Variants in PPP2R2B observed in about 807,000 individuals in gnomAD.
PPP2R2B encodes protein phosphatase 2 regulatory subunit Bbeta.
In PPP2R2B, 5 loss-of-function variants were observed where a neutral mutation model predicts 46.0. That is an observed-to-expected ratio of 0.11 (90% CI 0.06 to 0.23). The LOEUF is 0.23. PPP2R2B is among the 10% of genes least tolerant of loss of function. The probability of loss-of-function intolerance (pLI) is 1.00; values close to 1 mark genes in which losing one functional copy is unlikely to be tolerated. For synonymous variants in PPP2R2B, 215 were observed against 206.7 expected, an observed-to-expected ratio of 1.04 and a Z score of -0.34; for missense variants, 367 against 575.0, an observed-to-expected ratio of 0.64 and a Z score of 3.70.
intron 2 of PPP2R2B, among the ~76,000 whole-genome samples, chr5:146,736,181 A>T (rs1752525789): frequency 6.6e-6 from 1 of 152,176 alleles, no homozygotes; most frequent in East Asian, 1.9e-4. Flanking sequence ...CATGTGAAGA[A>T]GGATGTGTTT....
chr5:146,629,859 G>T (rs531052602), intron 7 of PPP2R2B, among the ~76,000 whole-genome samples: 1 of 151,426 alleles, frequency 6.6e-6, no homozygotes, highest in Admixed American at 6.6e-5. Context: ...TGTTGCCTAG[G>T]CTAGAGTGCA....
At chr5:146,750,180 A>C (rs991594638) in intron 2 of PPP2R2B, among the ~76,000 whole-genome samples, 1 of 152,188 alleles carries the variant, frequency 6.6e-6, no homozygotes, top group African/African-American at 2.4e-5. Context: ...TTAATGTTAC[A>C]CAGTCTTTCA....
At chr5:146,790,530 T>A (rs1479060441) in intron 2 of PPP2R2B, among the ~76,000 whole-genome samples, 1 of 152,136 alleles carries the variant, frequency 6.6e-6, no homozygotes, top group African/African-American at 2.4e-5. Context: ...AGCGCTTAAT[T>A]ACGCCAGCAA....
At chr5:146,960,383 G>A (rs4705450) in intron 1 of PPP2R2B, among the ~76,000 whole-genome samples, 77,177 of 151,858 alleles carry the variant, frequency 0.51, 21,600 homozygotes, top group Non-Finnish European at 0.64. Context: ...TCCACCTCCC[G>A]GATTCAAGCG....
chr5:146,828,811 G>A (rs180715479), intron 2 of PPP2R2B, among the ~76,000 whole-genome samples: 61 of 152,182 alleles, frequency 4.0e-4, no homozygotes, highest in Non-Finnish European at 8.1e-4. Context: ...TGTTTCTGAT[G>A]TTCAAATAAC....
intron 2 of PPP2R2B, among the ~76,000 whole-genome samples, chr5:147,076,792 G>C (rs1189183885): frequency 6.6e-6 from 1 of 151,944 alleles, no homozygotes; most frequent in Non-Finnish European, 1.5e-5. Flanking sequence ...CCTCTTCAGT[G>C]GTGCATTTCT....
intron 2 of PPP2R2B, among the ~76,000 whole-genome samples, chr5:146,715,090 A>C (rs961044660): frequency 2.6e-5 from 4 of 152,134 alleles, no homozygotes; most frequent in Non-Finnish European, 4.4e-5. Context: ...TTAATATCTT[A>C]TAGAAACAAG....
At chr5:147,002,426 A>G (rs1218520687) in intron 1 of PPP2R2B, among the ~76,000 whole-genome samples, 1 of 152,128 alleles carries the variant, frequency 6.6e-6, no homozygotes, top group Non-Finnish European at 1.5e-5. Context: ...CCCACAGGGT[A>G]TGGCCCTCCA....
At chr5:146,695,028 A>G (rs1017481810) in intron 4 of PPP2R2B, among the ~76,000 whole-genome samples, 6 of 152,092 alleles carry the variant, frequency 3.9e-5, no homozygotes, top group African/African-American at 1.4e-4. Context: ...TAGGAGGCTT[A>G]CTAGTAAACT....
chr5:146,897,320 T>G (rs190921589), intron 1 of PPP2R2B, among the ~76,000 whole-genome samples: 3 of 152,354 alleles, frequency 2.0e-5, no homozygotes, highest in Non-Finnish European at 2.9e-5. Flanking sequence ...CCGTTCCCAC[T>G]GTTTAACTCT....
chr5:146,603,257 G>T (rs73317459), intron 7 of PPP2R2B, among the ~76,000 whole-genome samples: 1 of 152,174 alleles, frequency 6.6e-6, no homozygotes, highest in Non-Finnish European at 1.5e-5. Context: ...TGGGACCAAG[G>T]AGTACAGAAC....
chr5:146,681,368 G>T (rs537890427), intron 5 of PPP2R2B, among the ~76,000 whole-genome samples: 1 of 152,216 alleles, frequency 6.6e-6, no homozygotes, highest in African/African-American at 2.4e-5. Flanking sequence ...CCCTGCTTGG[G>T]TGTTGTATGC....
rs1459844121 is a variant in PPP2R2B, at chr5:146,764,834, G to A, written c.71-63692C>T. 6.3e-5 allele frequency among the ~76,000 whole-genome samples: 9 copies of A among 142,728 alleles called. No homozygotes were observed. The East Asian group carries it at 9.8e-4, about 15-fold the overall frequency. 93.6% of individuals were successfully genotyped at this position (142,728 alleles called of 152,430 possible). A position where few individuals can be genotyped will look rare whatever the true frequency, so the allele number is the denominator to read the frequency against. ...GAGAGAGAGAGAGAGAGAGATACACGCACACACACACGCACACGCACACGT... is the reference window on the plus strand; with the variant it reads ...GAGAGAGAGAGAGAGAGAGATACACACACACACACACGCACACGCACACGT... On this transcript the variant is annotated intron_variant, in intron 2 of 9. Transcript: ENST00000394411.
At chr5:146,919,874 T>C (rs1479664977) in intron 1 of PPP2R2B, 2 of 152,228 alleles carry the variant, frequency 1.3e-5, no homozygotes, top group Non-Finnish European at 2.9e-5. Context: ...GGGCACTGAA[T>C]TAAACGTTTA....
intron 2 of PPP2R2B, among the ~76,000 whole-genome samples, chr5:146,873,291 GA>G (rs1230119852): frequency 6.6e-6 from 1 of 152,048 alleles, no homozygotes; most frequent in Non-Finnish European, 1.5e-5. Context: ...CACCATCCTG[GA>G]GCACACCATG....
intron 1 of PPP2R2B, among the ~76,000 whole-genome samples, chr5:146,945,203 T>C (rs1017826040): frequency 1.3e-5 from 2 of 152,130 alleles, no homozygotes; most frequent in African/African-American, 4.8e-5. Context: ...TAGAAGACAT[T>C]AGATGCAACT....
chr5:146,724,421 A>T (rs1389274403), intron 2 of PPP2R2B, among the ~76,000 whole-genome samples: 1 of 152,200 alleles, frequency 6.6e-6, no homozygotes, highest in Non-Finnish European at 1.5e-5. Flanking sequence ...CCCAAATAAA[A>T]GCTTATGCCC....
chr5:146,620,027 C>T (rs967670885), intron 7 of PPP2R2B, among the ~76,000 whole-genome samples: 4 of 152,256 alleles, frequency 2.6e-5, no homozygotes, highest in Middle Eastern at 3.4e-3. Flanking sequence ...TGTTACCTGC[C>T]GGGCACCATC....
intron 7 of PPP2R2B, among the ~76,000 whole-genome samples, chr5:146,633,955 C>T (rs1008525133): frequency 3.3e-5 from 5 of 152,148 alleles, no homozygotes; most frequent in African/African-American, 7.2e-5. Flanking sequence ...ATTGCAGTTG[C>T]GATGCTATAT....
Sources: allele counts gnomAD v4.1 joint callset (sites outside exome capture counted in the v4.1 genomes callset), GRCh38; gene constraint gnomAD v4.1.1; transcripts MANE v1.5; gene names NCBI Gene and HGNC (gene_info 2026-07-23, HGNC 2026-07-21).